Variants in RBFOX1 observed in about 807,000 individuals in gnomAD.
RBFOX1 encodes the protein RNA binding fox-1 homolog 1, also known as RNA binding protein fox-1 homolog 1.
A neutral mutation model predicts 57.7 loss-of-function variants in RBFOX1; 8 were observed. That is an observed-to-expected ratio of 0.14 (90% CI 0.08 to 0.25). The LOEUF is 0.25. RBFOX1 is among the 10% of genes least tolerant of loss of function. The pLI, the probability that RBFOX1 is intolerant of heterozygous loss-of-function variation, is 1.00. For synonymous variants in RBFOX1, 326 were observed against 222.4 expected (o/e 1.47, Z -4.15); for missense variants, 611 against 548.5 (o/e 1.11, Z -1.14).
At chr16:7,131,361 TTTTA>T (rs1329342483) in intron 4 of RBFOX1, among the ~76,000 whole-genome samples, 22 of 145,816 alleles carry the variant, frequency 1.5e-4, no homozygotes, top group South Asian at 6.5e-4. Flanking sequence ...TTTTTTTTTT[TTTTA>T]AAAAAAAAAA....
chr16:5,678,627 T>C (rs2050239040), intron 3 of RBFOX1, among the ~76,000 whole-genome samples: 1 of 152,134 alleles, frequency 6.6e-6, no homozygotes, highest in Non-Finnish European at 1.5e-5. Flanking sequence ...CCCACAGGAA[T>C]CTATTATGCG....
chr16:5,668,448 T>C (rs2049917284), intron 3 of RBFOX1, among the ~76,000 whole-genome samples: 1 of 152,196 alleles, frequency 6.6e-6, no homozygotes, highest in South Asian at 2.1e-4. Context: ...AAGACTTCAC[T>C]GGTAGCCAAA....
chr16:7,665,755 C>A (rs2069062430), intron 13 of RBFOX1, among the ~76,000 whole-genome samples: 1 of 152,128 alleles, frequency 6.6e-6, no homozygotes. Context: ...CCCTAAATCA[C>A]AATTTTTATT....
intron 3 of RBFOX1, among the ~76,000 whole-genome samples, chr16:5,606,886 T>A (rs1026679414): frequency 1.3e-5 from 2 of 152,124 alleles, no homozygotes; most frequent in Admixed American, 6.5e-5. Flanking sequence ...GAAGAGGGGA[T>A]GTCAGGGGTT....
rs555008727 is a variant in RBFOX1 at position 5,930,660 on chromosome 16, G to A, written c.351+63325G>A. On this transcript the variant is annotated intron_variant, in intron 4 of 19. Coordinates refer to the RBFOX1 transcript ENST00000641259. Reference sequence around the variant, plus strand: ...TGCATGGTTGGGTAGGTGGGAGGGTGGGTAGGTGGGCACATGGGTAAGTGG... The same window carrying A: ...TGCATGGTTGGGTAGGTGGGAGGGTAGGTAGGTGGGCACATGGGTAAGTGG... Among the ~76,000 whole-genome samples, 12 of 129,368 alleles carry A rather than the reference G, an allele frequency of 9.3e-5. No individual in the cohort carries two copies. The South Asian group carries it at 3.3e-3, about 36-fold the overall frequency. 84.9% of individuals were successfully genotyped at this position (129,368 alleles called of 152,430 possible). A position where few individuals can be genotyped will look rare whatever the true frequency, so the allele number is the denominator to read the frequency against.
At chr16:5,432,059 G>C (rs191660654) in intron 1 of RBFOX1, among the ~76,000 whole-genome samples, 1 of 152,044 alleles carries the variant, frequency 6.6e-6, no homozygotes, top group Non-Finnish European at 1.5e-5. Context: ...TAATAAAGAC[G>C]CCCCTTTTGG....
At chr16:7,184,948 A>G (rs995915607) in intron 4 of RBFOX1, among the ~76,000 whole-genome samples, 2 of 152,194 alleles carry the variant, frequency 1.3e-5, no homozygotes, top group Non-Finnish European at 2.9e-5. Flanking sequence ...GATACTTTAC[A>G]TATGTTACCT....
At chr16:5,684,325 G>A (rs1431880831) in intron 3 of RBFOX1, among the ~76,000 whole-genome samples, 1 of 152,132 alleles carries the variant, frequency 6.6e-6, no homozygotes, top group Non-Finnish European at 1.5e-5. Flanking sequence ...TTCTGTCCCT[G>A]TAAGAGAACC....
chr16:6,491,909 A>T (rs2095640765), intron 2 of RBFOX1, among the ~76,000 whole-genome samples: 1 of 152,144 alleles, frequency 6.6e-6, no homozygotes, highest in South Asian at 2.1e-4. Flanking sequence ...TAGCTATAGG[A>T]AGTTCCTATA....
chr16:6,032,898 T>TTTC (rs138386184), intron 1 of RBFOX1, among the ~76,000 whole-genome samples: 5 of 150,624 alleles, frequency 3.3e-5, no homozygotes, highest in Non-Finnish European at 3.0e-5. Flanking sequence ...TTTTTTTTTT[T>TTTC]CCCTCTCTCC....
intron 1 of RBFOX1, among the ~76,000 whole-genome samples, chr16:5,243,828 T>C (rs1447364862): frequency 1.3e-5 from 2 of 152,158 alleles, no homozygotes. Context: ...TACACTTTCA[T>C]AGGAAGGTTA....
chr16:5,648,322 C>G (rs1348447051), intron 3 of RBFOX1, among the ~76,000 whole-genome samples: 1 of 152,198 alleles, frequency 6.6e-6, no homozygotes, highest in African/African-American at 2.4e-5. Context: ...TTAGGTAGTG[C>G]AACTAAAAAA....
chr16:6,840,027 GGGAA>G (rs2093370646), intron 3 of RBFOX1, among the ~76,000 whole-genome samples: 1 of 152,076 alleles, frequency 6.6e-6, no homozygotes, highest in South Asian at 2.1e-4. Flanking sequence ...TATGGACCCT[GGGAA>G]GGATAATAAA....
rs1378816385 is a variant in RBFOX1 at position 7,155,713 on chromosome 16, ATATATAT to A, written c.27+103616_27+103622del. Among the ~76,000 whole-genome samples, 31 of 73,428 alleles carry A rather than the reference ATATATAT, an allele frequency of 4.2e-4. 1 individual carries two copies. The highest frequency in any genetic ancestry group is 1.4e-3 in the East Asian group (3 of 2,196). The allele number at this position is 73,428 out of a possible 152,430, so 48.2% of individuals were successfully genotyped here. On this transcript the variant is annotated intron_variant, in intron 4 of 15. Coordinates refer to ENST00000550418, the MANE Select transcript of RBFOX1 (RefSeq NM_018723.4). ...CTCCTCCCACCAAAAAAAAAAAAAA[ATATATAT>A]ATATATATATATATATATACACACA... is the stretch of plus-strand genomic sequence containing the variant.
intron 4 of RBFOX1, among the ~76,000 whole-genome samples, chr16:5,966,628 AT>A (rs1420216291): frequency 6.6e-6 from 1 of 152,054 alleles, no homozygotes; most frequent in Non-Finnish European, 1.5e-5. Flanking sequence ...TAATTTTTGT[AT>A]TTTTAGTAGA....
chr16:5,729,375 C>A (rs2052273493), intron 3 of RBFOX1, among the ~76,000 whole-genome samples: 1 of 145,212 alleles, frequency 6.9e-6, no homozygotes. Flanking sequence ...CAGCACACAG[C>A]TAGCTTTTTT....
At chr16:5,892,143 AT>A (rs2058058957) in intron 4 of RBFOX1, among the ~76,000 whole-genome samples, 2 of 152,212 alleles carry the variant, frequency 1.3e-5, no homozygotes, top group African/African-American at 2.4e-5. Flanking sequence ...TTGAAAGTTA[AT>A]GCATGGAACG....
At chr16:6,528,143 C>A (rs979630459) in intron 2 of RBFOX1, among the ~76,000 whole-genome samples, 1 of 152,162 alleles carries the variant, frequency 6.6e-6, no homozygotes, top group Non-Finnish European at 1.5e-5. Context: ...TTTACCTAAA[C>A]CTTGATTCTG....
At chr16:6,088,601 C>T (rs60940296) in intron 1 of RBFOX1, among the ~76,000 whole-genome samples, 10,172 of 151,624 alleles carry the variant, frequency 0.067, 990 homozygotes, top group African/African-American at 0.21. Flanking sequence ...ATGCCAAAGA[C>T]AAATGTATAA....
Sources: gnomAD v4.1 joint callset for allele counts (sites outside exome capture counted in the v4.1 genomes callset) on GRCh38, gnomAD v4.1.1 for gene constraint, MANE v1.5 for transcripts, NCBI Gene and HGNC (gene_info 2026-07-23, HGNC 2026-07-21) for gene names.